NUP35: variants seen among roughly 807,000 people sequenced by gnomAD.
The protein encoded by NUP35 is nucleoporin 35.
NUP35 carries 25 observed loss-of-function variants against 41.5 expected under a neutral mutation model. The ratio of observed to expected loss-of-function variants is 0.60; its 90% CI spans 0.44 to 0.84. NUP35 has a LOEUF of 0.84. Among genes scored for constraint, NUP35 ranks in the 40% least tolerant of loss-of-function variants. NUP35 has a pLI of 0.00. For missense variants in NUP35, 396 were observed against 396.6 expected (o/e 1.00, Z 0.01); for synonymous variants, 149 against 130.7 (o/e 1.14, Z -0.96).
At chr2:183,137,318 G>C (rs1294637525) in intron 4 of NUP35, among the ~76,000 whole-genome samples, 1 of 152,110 alleles carries the variant, frequency 6.6e-6, no homozygotes, top group Admixed American at 6.5e-5. Flanking sequence ...GTCATGCCAG[G>C]TGCCACTGGC....
rs1559158448 is a variant in NUP35 at position 183,159,669 on chromosome 2, A to AT, written c.903+18dup. On this transcript the variant is annotated intron_variant, in intron 8 of 8. Coordinates refer to ENST00000295119, the MANE Select transcript of NUP35 (RefSeq NM_138285.5). ...GATTATCAGGTATTTTAAGGATTGG[A>AT]TAAAAAAAGATGTACTTTAATGGCT... is the stretch of plus-strand genomic sequence containing the variant. The AT allele has an allele frequency of 1.3e-6, 2 of 1,596,500 alleles. No homozygotes were observed. The highest frequency in any genetic ancestry group is 2.2e-5 in the South Asian group (2 of 90,292).
chr2:183,159,535 AGC>A lies in NUP35; in HGVS notation c.787_788del (p.Ala263LeufsTer19), dbSNP rs1403237007. On this transcript the variant is annotated frameshift_variant, in exon 8 of 9. Transcript: ENST00000295119. LOFTEE classifies it high-confidence loss of function. ...GATGTGCTTTATCATCTCCATCTTTAGCCTTTACACCACCAATCAAAACTCTA... is the reference window on the plus strand; with the variant it reads ...GATGTGCTTTATCATCTCCATCTTTACTTTACACCACCAATCAAAACTCTA... ...DRCALSSPSL[A>X]FTPPIKTLGT... 6.2e-7 allele frequency: 1 copy of A among 1,613,680 alleles called. No individual in the cohort carries two copies. Among genetic ancestry groups the A allele is most frequent in the East Asian group, 2.2e-5 (1 of 44,832 alleles).
chr2:183,139,821 T>C (rs116542652), intron 4 of NUP35, among the ~76,000 whole-genome samples: 5,467 of 152,302 alleles, frequency 0.036, 113 homozygotes, highest in Non-Finnish European at 0.043. Context: ...GCCAACAACA[T>C]AATTTTGGAC....
At chr2:183,137,194 G>T (rs1358457807) in intron 4 of NUP35, among the ~76,000 whole-genome samples, 1 of 152,206 alleles carries the variant, frequency 6.6e-6, no homozygotes, top group East Asian at 1.9e-4. Flanking sequence ...TGTAACTGAG[G>T]TTGAATGTCT....
chr2:183,156,738 T>G (rs1202272888), intron 5 of NUP35, among the ~76,000 whole-genome samples: 2 of 152,134 alleles, frequency 1.3e-5, no homozygotes, highest in Non-Finnish European at 2.9e-5. Flanking sequence ...TTCAGATAAC[T>G]GAAGTTAGAT....
rs752122443 is a variant in NUP35 at position 183,124,452 on chromosome 2, G to C, written c.-6G>C. ...GGTACTGGTTTTAAGTGTAGTTGCC[G>C]ACGCAATGGCAGCCTTTGCAGTGGA... is the stretch of plus-strand genomic sequence containing the variant. On this transcript the variant is annotated 5_prime_UTR_variant, in exon 1 of 9. Transcript: ENST00000295119. The C allele has an allele frequency of 6.2e-7, 1 of 1,614,172 alleles. No individual in the cohort carries two copies. The highest frequency in any genetic ancestry group is 2.2e-5 in the East Asian group (1 of 44,882).
At chr2:183,143,043 C>G (rs1203547973) in intron 4 of NUP35, among the ~76,000 whole-genome samples, 1 of 151,382 alleles carries the variant, frequency 6.6e-6, no homozygotes, top group Non-Finnish European at 1.5e-5. Flanking sequence ...GTAGTCCCAG[C>G]TACTCGGGAG....
At chr2:183,132,578 AAAAAATTAAAAAATTG>A (rs1684737078) in intron 3 of NUP35, among the ~76,000 whole-genome samples, 1 of 152,110 alleles carries the variant, frequency 6.6e-6, no homozygotes, top group South Asian at 2.1e-4. Context: ...AATAAAAACT[AAAAAATTAAAAAATTG>A]TTTGTTGCAA....
At chr2:183,133,005 C>T (rs775636397) in intron 3 of NUP35, among the ~76,000 whole-genome samples, 10 of 152,028 alleles carry the variant, frequency 6.6e-5, no homozygotes, top group Non-Finnish European at 1.5e-5. Flanking sequence ...TGGATATTGT[C>T]TTTGTTTTAG....
intron 5 of NUP35, among the ~76,000 whole-genome samples, chr2:183,153,311 C>T (rs577600125): frequency 6.6e-6 from 1 of 152,294 alleles, no homozygotes; most frequent in Admixed American, 6.5e-5. Flanking sequence ...TTTCCCAACA[C>T]ACCCCTGAAA....
chr2:183,146,401 A>G (rs1685278696), intron 4 of NUP35, among the ~76,000 whole-genome samples: 1 of 152,154 alleles, frequency 6.6e-6, no homozygotes, highest in Non-Finnish European at 1.5e-5. Context: ...CACATCTATT[A>G]AGCTTATTGA....
intron 4 of NUP35, among the ~76,000 whole-genome samples, chr2:183,149,306 CAAAATTT>C (rs199770895): frequency 0.013 from 1,922 of 152,112 alleles, 26 homozygotes; most frequent in Non-Finnish European, 0.018. Context: ...AAAATTAAAA[CAAAATTT>C]AAAATTTAAG....
chr2:183,157,635 TATA>T, intron 6 of NUP35, 122 bp downstream of exon 6: 2 of 678,486 alleles, frequency 2.9e-6, no homozygotes, highest in Non-Finnish European at 5.1e-6. Flanking sequence ...TGAGTTTTGA[TATA>T]ATACATCCTT....
chr2:183,129,597 G>A (rs1684624498), intron 2 of NUP35, among the ~76,000 whole-genome samples: 1 of 152,168 alleles, frequency 6.6e-6, no homozygotes, highest in Non-Finnish European at 1.5e-5. Flanking sequence ...TATGAGCCTG[G>A]CAGTATGCTA....
chr2:183,128,599 TAA>T (rs34331888), intron 2 of NUP35, 142 bp downstream of exon 2: 66,626 of 363,598 alleles, frequency 0.18, 2,301 homozygotes, highest in African/African-American at 0.24. Context: ...GCTGATGAGC[TAA>T]AAAAAAAAAA....
intron 4 of NUP35, among the ~76,000 whole-genome samples, chr2:183,145,108 G>A (rs1348217483): frequency 6.6e-6 from 1 of 152,114 alleles, no homozygotes; most frequent in African/African-American, 2.4e-5. Context: ...GAATGTCTTT[G>A]TAGTAACTAA....
At chr2:183,152,769 A>T (rs55764044) in intron 5 of NUP35, among the ~76,000 whole-genome samples, 4,221 of 152,294 alleles carry the variant, frequency 0.028, 87 homozygotes, top group Non-Finnish European at 0.043. Flanking sequence ...TAAGTGATTT[A>T]TTCAGCCGTT....
At chr2:183,127,032 A>G (rs1285821619) in intron 1 of NUP35, among the ~76,000 whole-genome samples, 1 of 151,936 alleles carries the variant, frequency 6.6e-6, no homozygotes, top group Non-Finnish European at 1.5e-5. Flanking sequence ...AAGCTCTGTT[A>G]GTGGATGCTA....
At chr2:183,124,240 C>G, upstream of NUP35, 1 of 1,210,658 alleles carries the variant, frequency 8.3e-7, no homozygotes, top group Non-Finnish European at 1.1e-6. Flanking sequence ...TACGCTGGTT[C>G]GCCACCTTCC....
Sources: gnomAD v4.1 joint callset for allele counts (sites outside exome capture counted in the v4.1 genomes callset) on GRCh38, gnomAD v4.1.1 for gene constraint, MANE v1.5 for transcripts, NCBI Gene and HGNC (gene_info 2026-07-23, HGNC 2026-07-21) for gene names.